The following SPAG16 variants were observed in gnomAD, a reference collection of about 807,000 sequenced individuals.
The protein encoded by SPAG16 is sperm-associated antigen 16 protein.
In SPAG16, 86 loss-of-function variants were observed where a neutral mutation model predicts 80.4. That is an observed-to-expected ratio of 1.07 (90% CI 0.90 to 1.28). SPAG16 has a LOEUF of 1.28. SPAG16 is among the 50% of genes most tolerant of loss of function. SPAG16 has a pLI of 0.00. For missense variants in SPAG16, 870 were observed against 765.3 expected, an observed-to-expected ratio of 1.14 and a Z score of -1.61; for synonymous variants, 294 against 265.9, an observed-to-expected ratio of 1.11 and a Z score of -1.03.
At chr2:214,221,542 A>G (rs2058568071) in intron 15 of SPAG16, among the ~76,000 whole-genome samples, 1 of 152,194 alleles carries the variant, frequency 6.6e-6, no homozygotes, top group Admixed American at 6.5e-5. Flanking sequence ...AGATATTAGG[A>G]ATGGCTTATC....
intron 10 of SPAG16, among the ~76,000 whole-genome samples, chr2:213,503,915 A>G (rs763220628): frequency 3.3e-5 from 5 of 152,232 alleles, no homozygotes; most frequent in Non-Finnish European, 5.9e-5. Flanking sequence ...AACTGAGAAC[A>G]TAGTGAACTA....
At chr2:214,249,693 G>A (rs1349464552) in intron 15 of SPAG16, among the ~76,000 whole-genome samples, 1 of 152,084 alleles carries the variant, frequency 6.6e-6, no homozygotes, top group Non-Finnish European at 1.5e-5. Context: ...AAACTGTTTA[G>A]ACTGATACAC....
chr2:213,627,393 A>G (rs2061998313), intron 10 of SPAG16, among the ~76,000 whole-genome samples: 1 of 152,222 alleles, frequency 6.6e-6, no homozygotes, highest in South Asian at 2.1e-4. Flanking sequence ...ACAGTGTAAC[A>G]CATACTTTCT....
chr2:214,041,657 A>G (rs1474688965), intron 13 of SPAG16, among the ~76,000 whole-genome samples: 2 of 151,478 alleles, frequency 1.3e-5, no homozygotes, highest in Non-Finnish European at 1.5e-5. Flanking sequence ...TATAATTTCC[A>G]AAGGGCACTT....
chr2:213,552,437 T>A (rs1169521443), intron 10 of SPAG16, among the ~76,000 whole-genome samples: 1 of 152,212 alleles, frequency 6.6e-6, no homozygotes, highest in Non-Finnish European at 1.5e-5. Context: ...CTCCTTAGCA[T>A]ATGCTCTGGT....
At chr2:213,480,469 C>G (rs943943397) in intron 9 of SPAG16, among the ~76,000 whole-genome samples, 1 of 152,182 alleles carries the variant, frequency 6.6e-6, no homozygotes, top group Non-Finnish European at 1.5e-5. Flanking sequence ...ATCCACAAAA[C>G]TAATCAGAAA....
chr2:213,642,746 G>A lies in SPAG16; in HGVS notation c.1070+152656G>A, dbSNP rs1451220329. ...TGAGGCAGGAGAATGGCGTGAACCC[G>A]GGAGGCGGAGCTTGCAGTGAGCCGA... On this transcript the variant is annotated intron_variant, in intron 10 of 15. Transcript: ENST00000331683. Among the ~76,000 whole-genome samples, 12 of 78,916 alleles carry A rather than the reference G, an allele frequency of 1.5e-4. 2 individuals are homozygous for A. The South Asian group carries it at 1.6e-3, about 10-fold the overall frequency. The allele number at this position is 78,916 out of a possible 152,430, so 51.8% of individuals were successfully genotyped here. A position where few individuals can be genotyped will look rare whatever the true frequency, so the allele number is the denominator to read the frequency against.
At chr2:213,979,209 C>A (rs1326860220) in intron 12 of SPAG16, among the ~76,000 whole-genome samples, 1 of 151,826 alleles carries the variant, frequency 6.6e-6, no homozygotes, top group African/African-American at 2.4e-5. Context: ...TACTACACTA[C>A]AACTTCTGGC....
intron 3 of SPAG16, among the ~76,000 whole-genome samples, chr2:213,305,212 T>C (rs552095351): frequency 3.1e-4 from 47 of 152,338 alleles, no homozygotes; most frequent in African/African-American, 1.1e-3. Flanking sequence ...GATTTTGATA[T>C]GTTGATTTCA....
chr2:214,392,349 T>G (rs527441326), intron 15 of SPAG16, among the ~76,000 whole-genome samples: 2 of 151,976 alleles, frequency 1.3e-5, no homozygotes, highest in South Asian at 4.2e-4. Flanking sequence ...AGAGACTGAG[T>G]CTCACCATGT....
intron 10 of SPAG16, among the ~76,000 whole-genome samples, chr2:213,761,814 C>G (rs535122280): frequency 2.0e-4 from 31 of 151,836 alleles, no homozygotes; most frequent in African/African-American, 7.5e-4. Flanking sequence ...TGCAGTGAGC[C>G]GAGATCGTGC....
chr2:213,859,308 G>A (rs1223382860), intron 10 of SPAG16, among the ~76,000 whole-genome samples: 1 of 147,752 alleles, frequency 6.8e-6, no homozygotes, highest in African/African-American at 2.5e-5. Context: ...CTTGGTAAGT[G>A]CAGCATGTAC....
chr2:214,258,385 C>T (rs1690853453), intron 15 of SPAG16, among the ~76,000 whole-genome samples: 2 of 151,754 alleles, frequency 1.3e-5, no homozygotes, highest in Admixed American at 6.6e-5. Context: ...TGGTCTCCAA[C>T]TCCATCCAAG....
Position 214,011,571 on chromosome 2 carries a change from C to T in SPAG16, c.1401-2380C>T, listed in dbSNP as rs189016680. Among the ~76,000 whole-genome samples, 322 of 152,276 alleles carry T rather than the reference C, an allele frequency of 2.1e-3. 2 individuals are homozygous for T. The highest frequency in any genetic ancestry group is 7.6e-3 in the African/African-American group (314 of 41,554). On this transcript the variant is annotated intron_variant, in intron 12 of 15. Transcript: ENST00000331683. The stretch of plus-strand genomic sequence containing the variant: ...CAGCAATAGACAATATGTAAACAGA[C>T]TGGCATATTCCAATAAAACTTTATT...
intron 15 of SPAG16, among the ~76,000 whole-genome samples, chr2:214,236,646 C>A (rs141985135): frequency 3.1e-4 from 46 of 149,648 alleles, no homozygotes; most frequent in South Asian, 2.7e-3. Flanking sequence ...AGCGAGACTC[C>A]GTTTCAAAAA....
chr2:213,591,637 T>C (rs572179258), intron 10 of SPAG16, among the ~76,000 whole-genome samples: 1 of 152,218 alleles, frequency 6.6e-6, no homozygotes, highest in African/African-American at 2.4e-5. Flanking sequence ...CAATGAGGTT[T>C]TGTGGTGGGG....
intron 15 of SPAG16, among the ~76,000 whole-genome samples, chr2:214,193,430 AGAG>A (rs1559119424): frequency 9.3e-5 from 8 of 85,720 alleles, no homozygotes; most frequent in Non-Finnish European, 2.2e-4. Flanking sequence ...TGTGTATGAG[AGAG>A]AGAGAGAGAG....
chr2:214,133,223 C>A (rs922551621), intron 14 of SPAG16, among the ~76,000 whole-genome samples: 1 of 151,982 alleles, frequency 6.6e-6, no homozygotes, highest in Non-Finnish European at 1.5e-5. Context: ...CTATTTCGTG[C>A]ATTATAAGAC....
intron 13 of SPAG16, among the ~76,000 whole-genome samples, chr2:214,061,909 C>A (rs1379219006): frequency 6.6e-6 from 1 of 150,464 alleles, no homozygotes; most frequent in Non-Finnish European, 1.5e-5. Flanking sequence ...TAACACCCAA[C>A]AAGATAAAGT....
Sources: gnomAD v4.1 joint callset for allele counts (sites outside exome capture counted in the v4.1 genomes callset) on GRCh38, gnomAD v4.1.1 for gene constraint, MANE v1.5 for transcripts, NCBI Gene and HGNC (gene_info 2026-07-23, HGNC 2026-07-21) for gene names.